SCD5: variants seen among roughly 807,000 people sequenced by gnomAD.
SCD5 encodes acyl-CoA-desaturase 4.
SCD5 carries 20 observed loss-of-function variants against 30.4 expected under a neutral mutation model. The ratio of observed to expected loss-of-function variants is 0.66; its 90% confidence interval spans 0.46 to 0.96. The LOEUF is 0.96. Ranked by LOEUF, SCD5 falls within the 40% of genes least tolerant of loss-of-function variation. The pLI, the probability that SCD5 is intolerant of heterozygous loss-of-function variation, is 0.00. For synonymous variants in SCD5, 173 were observed against 176.4 expected (o/e 0.98, Z 0.16); for missense variants, 381 against 443.3 (o/e 0.86, Z 1.26).
At chr4:82,702,937 A>T (rs1264459725) in intron 2 of SCD5, among the ~76,000 whole-genome samples, 1 of 152,198 alleles carries the variant, frequency 6.6e-6, no homozygotes, top group Non-Finnish European at 1.5e-5. Context: ...TCTGCATGTT[A>T]TGGAAACTGG....
intron 1 of SCD5, among the ~76,000 whole-genome samples, chr4:82,762,450 C>T (rs963090751): frequency 1.3e-5 from 2 of 152,094 alleles, no homozygotes; most frequent in Non-Finnish European, 2.9e-5. Context: ...ACCATGTTGG[C>T]CAGGTTGGCC....
At chr4:82,761,246 C>T (rs536971123) in intron 1 of SCD5, among the ~76,000 whole-genome samples, 5 of 152,338 alleles carry the variant, frequency 3.3e-5, no homozygotes, top group East Asian at 1.9e-4. Context: ...GAGCAGGCAA[C>T]GTCTGACATC....
At chr4:82,778,389 T>C (rs952185590) in intron 1 of SCD5, among the ~76,000 whole-genome samples, 2 of 152,192 alleles carry the variant, frequency 1.3e-5, no homozygotes, top group Non-Finnish European at 2.9e-5. Context: ...GTCACAAAGT[T>C]AGTAACTTAC....
At chr4:82,764,065 A>G (rs72909671) in intron 1 of SCD5, among the ~76,000 whole-genome samples, 4,763 of 152,246 alleles carry the variant, frequency 0.031, 239 homozygotes, top group African/African-American at 0.11. Flanking sequence ...GCAGCATATC[A>G]TTGGGCCTCA....
intron 1 of SCD5, among the ~76,000 whole-genome samples, chr4:82,740,811 C>A (rs1578047205): frequency 6.6e-6 from 1 of 152,212 alleles, no homozygotes; most frequent in African/African-American, 2.4e-5. Context: ...TTCCCCTAAT[C>A]CTTTACCCCA....
intron 3 of SCD5, among the ~76,000 whole-genome samples, chr4:82,675,441 A>C (rs987210473): frequency 6.6e-6 from 1 of 152,180 alleles, no homozygotes; most frequent in African/African-American, 2.4e-5. Context: ...TAGATGTTTG[A>C]GTGCCTTTCT....
intron 2 of SCD5, among the ~76,000 whole-genome samples, chr4:82,686,744 T>C (rs1233742342): frequency 6.6e-6 from 1 of 152,204 alleles, no homozygotes; most frequent in East Asian, 1.9e-4. Context: ...TGAGGAGAAA[T>C]ACTTTTATGC....
intron 1 of SCD5, among the ~76,000 whole-genome samples, chr4:82,761,408 T>C (rs985624405): frequency 5.3e-5 from 8 of 152,176 alleles, no homozygotes; most frequent in East Asian, 1.9e-4. Flanking sequence ...GAACACTTTA[T>C]AGCAACTGAT....
At chr4:82,648,776 G>A (rs1727682974) in intron 3 of SCD5, among the ~76,000 whole-genome samples, 1 of 152,086 alleles carries the variant, frequency 6.6e-6, no homozygotes, top group African/African-American at 2.4e-5. Flanking sequence ...TTGAAAACCA[G>A]ACAACTAAGA....
intron 2 of SCD5, among the ~76,000 whole-genome samples, chr4:82,701,204 G>A (rs1352345358): frequency 6.6e-6 from 1 of 152,102 alleles, no homozygotes; most frequent in Non-Finnish European, 1.5e-5. Flanking sequence ...AATGTATATT[G>A]CAAATTCTAG....
At chr4:82,701,371 C>T (rs938550333) in intron 2 of SCD5, among the ~76,000 whole-genome samples, 2 of 151,950 alleles carry the variant, frequency 1.3e-5, no homozygotes, top group African/African-American at 2.4e-5. Flanking sequence ...AAATGGAAAA[C>T]AGAAACTTGG....
intron 3 of SCD5, among the ~76,000 whole-genome samples, chr4:82,651,523 TGGGTGATG>T (rs1727749953): frequency 6.6e-6 from 1 of 152,146 alleles, no homozygotes; most frequent in African/African-American, 2.4e-5. Flanking sequence ...GTACACTGCT[TGGGTGATG>T]GGTGCACCAA....
chr4:82,660,239 C>T (rs946094907), intron 3 of SCD5: 1 of 155,572 alleles, frequency 6.4e-6, no homozygotes, highest in African/African-American at 2.4e-5. Context: ...TTTAATACCC[C>T]ACTGTCAATA....
At chr4:82,733,747 C>T (rs1452348143) in intron 1 of SCD5, among the ~76,000 whole-genome samples, 1 of 152,162 alleles carries the variant, frequency 6.6e-6, no homozygotes. Flanking sequence ...AGCCTCTGTA[C>T]GTGCCTGAAT....
At chr4:82,732,332 C>T (rs1720661731) in intron 1 of SCD5, among the ~76,000 whole-genome samples, 1 of 152,208 alleles carries the variant, frequency 6.6e-6, no homozygotes, top group South Asian at 2.1e-4. Flanking sequence ...TCAAGTGATC[C>T]GCCTACCTTG....
Position 82,798,321 on chromosome 4 carries a change from G to C in SCD5, c.217C>G (p.Leu73Val). The C allele has an allele frequency of 6.2e-7, 1 of 1,610,778 alleles. No individual in the cohort carries two copies. The highest frequency in any genetic ancestry group is 8.5e-7 in the Non-Finnish European group (1 of 1,178,774). The part of the protein sequence containing the change: ...SLVLIPKAKP[L>V]TLLWAYFCFL... ...CGGGACTTACCCCAGAGCAGAGTGA[G>C]TGGCTTGGCTTTGGGGATGAGCACC... The change falls in exon 1 of 5, where the codon CTC (leucine) becomes GTC (valine). Residue 73 changes from leucine to valine, a missense_variant. Physicochemically the swap from Leu to Val is conservative, Grantham distance 32. Transcript: ENST00000319540.
rs1334036874 is a variant in SCD5, at chr4:82,712,306, TATTTTA to T, written c.233-6899_233-6894del. ...TATATATATATATATATTTTATTTT[TATTTTA>T]TTTTTTTTTTTTGAGATGAAGTCTC... On this transcript the variant is annotated intron_variant, in intron 1 of 4. Coordinates refer to ENST00000319540, the MANE Select transcript of SCD5 (RefSeq NM_001037582.3). Among the ~76,000 whole-genome samples, 237 of 30,102 alleles carry T rather than the reference TATTTTA, an allele frequency of 7.9e-3. 54 individuals are homozygous for T. Among genetic ancestry groups the T allele is most frequent in the African/African-American group, 0.024 (214 of 8,980 alleles). The allele number at this position is 30,102 out of a possible 152,430, so 19.7% of individuals were successfully genotyped here.
intron 2 of SCD5, among the ~76,000 whole-genome samples, chr4:82,681,793 G>A (rs1446605588): frequency 1.3e-5 from 2 of 152,158 alleles, no homozygotes; most frequent in African/African-American, 4.8e-5. Context: ...AAAAATGAGG[G>A]AGAGATGTTC....
At chr4:82,760,420 G>A (rs567219961) in intron 1 of SCD5, among the ~76,000 whole-genome samples, 25 of 152,138 alleles carry the variant, frequency 1.6e-4, no homozygotes, top group Admixed American at 1.0e-3. Flanking sequence ...GTCTTGAGGC[G>A]AAATCTCTCT....
Sources: gnomAD v4.1 joint callset for allele counts (sites outside exome capture counted in the v4.1 genomes callset) on GRCh38, gnomAD v4.1.1 for gene constraint, MANE v1.5 for transcripts, NCBI Gene and HGNC (gene_info 2026-07-23, HGNC 2026-07-21) for gene names.